The following RPS6KC1 variants were observed in gnomAD, a reference collection of about 807,000 sequenced individuals.
RPS6KC1 encodes the protein inactive ribosomal protein S6 kinase delta-1.
A neutral mutation model predicts 103.8 loss-of-function variants in RPS6KC1; 54 were observed. That is an observed-to-expected ratio of 0.52 (90% CI 0.42 to 0.65). RPS6KC1 has a LOEUF of 0.65. RPS6KC1 is among the 30% of genes least tolerant of loss of function. The pLI, the probability that RPS6KC1 is intolerant of heterozygous loss-of-function variation, is 0.00. For synonymous variants in RPS6KC1, 439 were observed against 438.7 expected (o/e 1.00, Z -0.01); for missense variants, 1,151 against 1,253.8 (o/e 0.92, Z 1.24).
chr1:213,119,184 G>A (rs922479100), intron 5 of RPS6KC1, among the ~76,000 whole-genome samples: 11 of 151,796 alleles, frequency 7.2e-5, no homozygotes, highest in Non-Finnish European at 1.2e-4. Context: ...GGTGGCTCAC[G>A]CTTGTAATCC....
At chr1:213,733,882 A>G in the RPS6KC1 span, among the ~76,000 whole-genome samples, 2 of 152,322 alleles carry the variant, frequency 1.3e-5, no homozygotes, top group African/African-American at 2.4e-5. Context: ...GAACTGGTGT[A>G]TTATTAAGTA....
chr1:213,092,094 A>G (rs890705883), intron 3 of RPS6KC1, among the ~76,000 whole-genome samples: 2 of 152,114 alleles, frequency 1.3e-5, no homozygotes, highest in Non-Finnish European at 2.9e-5. Context: ...CTTTTAGATC[A>G]TCAGTGCAAA....
the RPS6KC1 span, among the ~76,000 whole-genome samples, chr1:213,396,820 T>A: frequency 4.2e-4 from 64 of 152,140 alleles, no homozygotes; most frequent in Non-Finnish European, 8.2e-4. Flanking sequence ...TCCCTCAGGG[T>A]CTCAGCTGAT....
the RPS6KC1 span, among the ~76,000 whole-genome samples, chr1:213,683,527 A>G: frequency 6.6e-6 from 1 of 152,140 alleles, no homozygotes; most frequent in African/African-American, 2.4e-5. Context: ...CAGCACCCTC[A>G]GCAGGTCCTC....
chr1:213,242,002 A>C lies in RPS6KC1; in HGVS notation c.2526A>C (p.Glu842Asp). 1 of 1,614,058 alleles carries C rather than the reference A, an allele frequency of 6.2e-7. No homozygotes were observed. Among genetic ancestry groups the C allele is most frequent in the South Asian group, 1.1e-5 (1 of 91,078 alleles). Reference protein sequence around the residue: ...IASTDTLKTEEVLLFTDQTDD... With the variant: ...IASTDTLKTEDVLLFTDQTDD... ...GCACAGACACTTTAAAAACAGAAGA[A>C]GTATTGCTGTTTACAGATCAGACTG... Residue 842 changes from glutamate (E) to aspartate (D), a missense_variant, in exon 11 of 15, where the codon GAA becomes GAC. This residue lies in a region of RPS6KC1 where 959 missense variants were observed against 1,006.3 expected (regional missense o/e 0.95). Coordinates refer to ENST00000366960, the MANE Select transcript of RPS6KC1 (RefSeq NM_012424.6).
chr1:213,616,449 G>C, the RPS6KC1 span, among the ~76,000 whole-genome samples: 1 of 152,162 alleles, frequency 6.6e-6, no homozygotes, highest in South Asian at 2.1e-4. Context: ...AGGAGGTGTT[G>C]GGCTGGAGGT....
the RPS6KC1 span, chr1:213,817,947 G>A: frequency 1.8e-4 from 28 of 151,922 alleles, no homozygotes; most frequent in African/African-American, 5.1e-4. Context: ...AAACTTTTTC[G>A]TGATTACTGT....
chr1:213,822,916 C>T, the RPS6KC1 span, among the ~76,000 whole-genome samples: 3 of 152,144 alleles, frequency 2.0e-5, no homozygotes, highest in Non-Finnish European at 4.4e-5. Context: ...ATCTTTACAG[C>T]AGTCAGAGTG....
chr1:213,441,267 G>GTC, the RPS6KC1 span, among the ~76,000 whole-genome samples: 37 of 152,218 alleles, frequency 2.4e-4, no homozygotes, highest in African/African-American at 8.7e-4. Context: ...AACTTCATCT[G>GTC]TCTCTCTCTC....
the RPS6KC1 span, among the ~76,000 whole-genome samples, chr1:213,477,455 T>G: frequency 6.6e-6 from 1 of 152,198 alleles, no homozygotes; most frequent in Middle Eastern, 3.2e-3. Context: ...TAATAGATTT[T>G]ACTTTATACA....
the RPS6KC1 span, among the ~76,000 whole-genome samples, chr1:213,365,657 A>G: frequency 2.6e-5 from 4 of 152,326 alleles, no homozygotes; most frequent in East Asian, 7.7e-4. Context: ...TGCTTCCTGG[A>G]TGGGGCTTCC....
At chr1:213,167,046 C>T (rs1220932253) in intron 6 of RPS6KC1, among the ~76,000 whole-genome samples, 1 of 152,178 alleles carries the variant, frequency 6.6e-6, no homozygotes, top group Non-Finnish European at 1.5e-5. Context: ...ATAACAGAGA[C>T]AGTCCAGTTT....
intron 8 of RPS6KC1, among the ~76,000 whole-genome samples, chr1:213,200,261 A>T (rs2093109056): frequency 1.3e-5 from 2 of 152,192 alleles, no homozygotes; most frequent in South Asian, 4.1e-4. Context: ...TAACCAAAAC[A>T]GCATGATACT....
intron 8 of RPS6KC1, among the ~76,000 whole-genome samples, chr1:213,192,056 G>T (rs2092768425): frequency 6.6e-6 from 1 of 152,022 alleles, no homozygotes; most frequent in Non-Finnish European, 1.5e-5. Flanking sequence ...ACCCAGCTGA[G>T]GTAAGTTTCT....
the RPS6KC1 span, among the ~76,000 whole-genome samples, chr1:213,502,116 T>A: frequency 6.6e-6 from 1 of 152,194 alleles, no homozygotes; most frequent in Non-Finnish European, 1.5e-5. Flanking sequence ...TCCCTTATTT[T>A]AAAAAATTCC....
At chr1:213,728,317 C>T in the RPS6KC1 span, among the ~76,000 whole-genome samples, 4 of 152,126 alleles carry the variant, frequency 2.6e-5, no homozygotes, top group African/African-American at 9.7e-5. Context: ...TCAAACAATC[C>T]AAGTCCCAAG....
At chr1:213,414,656 A>C in the RPS6KC1 span, among the ~76,000 whole-genome samples, 1 of 152,290 alleles carries the variant, frequency 6.6e-6, no homozygotes, top group African/African-American at 2.4e-5. Flanking sequence ...TGAGAGAATA[A>C]ATTTCCATTG....
downstream of RPS6KC1, among the ~76,000 whole-genome samples, chr1:213,277,594 C>T (rs377662980): frequency 1.3e-5 from 2 of 152,210 alleles, no homozygotes; most frequent in Admixed American, 6.5e-5. Context: ...CAAAAACTGA[C>T]GCTATTTCTA....
chr1:213,836,617 C>T, the RPS6KC1 span, among the ~76,000 whole-genome samples: 1 of 151,492 alleles, frequency 6.6e-6, no homozygotes, highest in Non-Finnish European at 1.5e-5. Flanking sequence ...AGTGTTTTTT[C>T]AAACTTTTTT....
Sources: allele counts gnomAD v4.1 joint callset (sites outside exome capture counted in the v4.1 genomes callset), GRCh38; gene constraint gnomAD v4.1.1; regional missense constraint gnomAD v4.1.1; transcripts MANE v1.5; gene names NCBI Gene and HGNC (gene_info 2026-07-23, HGNC 2026-07-21).